Variants in KALRN observed in about 807,000 individuals in gnomAD.
KALRN encodes the protein kalirin RhoGEF kinase, also known as kalirin.
KALRN carries 70 observed loss-of-function variants against 353.7 expected under a neutral mutation model. The observed-to-expected ratio is 0.20, with a 90% CI of 0.16 to 0.24. The LOEUF (loss-of-function observed/expected upper bound fraction) is 0.24. KALRN is among the 10% of genes least tolerant of loss of function. The pLI, the probability that KALRN is intolerant of heterozygous loss-of-function variation, is 1.00. For missense variants in KALRN, 2,791 were observed against 3,756.7 expected (o/e 0.74, Z 6.72); for synonymous variants, 1,391 against 1,434.8 (o/e 0.97, Z 0.69).
intron 49 of KALRN, chr3:124,675,436 C>T (rs945212166): frequency 6.6e-6 from 1 of 151,460 alleles, no homozygotes; most frequent in Non-Finnish European, 1.5e-5. Context: ...AAGTTAAAGA[C>T]TAGTTGACCC....
chr3:124,041,929 GCTTTGT>G (rs1013672474), intron 1 of KALRN, among the ~76,000 whole-genome samples: 18 of 152,334 alleles, frequency 1.2e-4, no homozygotes, highest in African/African-American at 3.6e-4. Context: ...AGGAGAATTA[GCTTTGT>G]CTCCTCCCCA....
At chr3:124,564,229 A>G (rs1458124907) in intron 34 of KALRN, among the ~76,000 whole-genome samples, 1 of 134,546 alleles carries the variant, frequency 7.4e-6, no homozygotes, top group Admixed American at 7.4e-5. Flanking sequence ...AAAAAAAAAA[A>G]AATTAGCTGG....
chr3:124,571,593 C>T (rs1160570731), intron 34 of KALRN, among the ~76,000 whole-genome samples: 1 of 152,172 alleles, frequency 6.6e-6, no homozygotes, highest in African/African-American at 2.4e-5. Flanking sequence ...GGATCCTTTC[C>T]ACTTCTAAAA....
At chr3:124,393,429 G>C (rs2089753941) in intron 11 of KALRN, among the ~76,000 whole-genome samples, 1 of 152,140 alleles carries the variant, frequency 6.6e-6, no homozygotes, top group Non-Finnish European at 1.5e-5. Context: ...GTACGTCCTG[G>C]TTTTATGCTG....
At chr3:124,406,979 A>G (rs1010012325) in intron 13 of KALRN, among the ~76,000 whole-genome samples, 1 of 151,726 alleles carries the variant, frequency 6.6e-6, no homozygotes, top group African/African-American at 2.4e-5. Flanking sequence ...GATTACAGGT[A>G]TGCGCCACCA....
chr3:124,525,643 A>G (rs1261610349), intron 33 of KALRN, among the ~76,000 whole-genome samples: 1 of 152,238 alleles, frequency 6.6e-6, no homozygotes, highest in Non-Finnish European at 1.5e-5. Context: ...CAAGTGGTTG[A>G]TAAAATTGAT....
At chr3:124,500,584 C>T (rs2064400751) in intron 33 of KALRN, among the ~76,000 whole-genome samples, 1 of 152,228 alleles carries the variant, frequency 6.6e-6, no homozygotes, top group Non-Finnish European at 1.5e-5. Context: ...CTTAATCCTA[C>T]ATTAAACACT....
intron 51 of KALRN, among the ~76,000 whole-genome samples, chr3:124,691,035 G>A (rs2061785511): frequency 6.6e-6 from 1 of 152,224 alleles, no homozygotes; most frequent in South Asian, 2.1e-4. Flanking sequence ...TTGGGCTAGG[G>A]CCCTGAGGTA....
At chr3:124,687,996 T>C (rs758599127) in intron 51 of KALRN, among the ~76,000 whole-genome samples, 11 of 152,122 alleles carry the variant, frequency 7.2e-5, no homozygotes, top group Admixed American at 1.3e-4. Flanking sequence ...AAATTACAGC[T>C]TGTCTTATGC....
At chr3:124,110,703 A>G (rs2062878784) in intron 1 of KALRN, among the ~76,000 whole-genome samples, 1 of 152,290 alleles carries the variant, frequency 6.6e-6, no homozygotes, top group Non-Finnish European at 1.5e-5. Flanking sequence ...TTCTACCTTA[A>G]CAAAATGCTT....
intron 49 of KALRN, chr3:124,675,518 CTTTTTTTTTT>C: frequency 8.7e-6 from 1 of 114,604 alleles, no homozygotes; most frequent in Non-Finnish European, 2.0e-5. Context: ...TCCTCTTCTT[CTTTTTTTTTT>C]TTTTTTTTTC....
rs1189928196 is a variant in KALRN at position 124,347,273 on chromosome 3, G to GGT, written c.1770+8_1770+9insGT. 1.6e-6 allele frequency: 2 copies of GGT among 1,255,032 alleles called. No individual in the cohort carries two copies. Among genetic ancestry groups the GGT allele is most frequent in the Non-Finnish European group, 2.1e-6 (2 of 950,018 alleles). 77.7% of individuals were successfully genotyped at this position (1,255,032 alleles called of 1,614,324 possible). On this transcript the variant is annotated intron_variant, in intron 10 of 59. Coordinates refer to ENST00000682506, the MANE Select transcript of KALRN (RefSeq NM_001388419.1). Reference sequence around the variant, plus strand: ...TTTGAAGAGGTGGCTCAGGTGAGAAGCTGTGTGTGTGTGTGTGTGTGTGTG... The same window carrying GGT: ...TTTGAAGAGGTGGCTCAGGTGAGAAGGTCTGTGTGTGTGTGTGTGTGTGTGTG...
intron 3 of KALRN, among the ~76,000 whole-genome samples, chr3:124,238,358 ACATGGAAGCTGTCTAG>A (rs1370472257): frequency 6.6e-6 from 1 of 152,172 alleles, no homozygotes; most frequent in Non-Finnish European, 1.5e-5. Flanking sequence ...GAACCTGCCC[ACATGGAAGCTGTCTAG>A]CAACACTGCT....
chr3:124,510,157 A>G (rs2065733840), intron 33 of KALRN, among the ~76,000 whole-genome samples: 1 of 152,210 alleles, frequency 6.6e-6, no homozygotes, highest in African/African-American at 2.4e-5. Flanking sequence ...CAAGAGAGAG[A>G]TCTAGAAACT....
chr3:124,673,504 G>A (rs1019785288), intron 48 of KALRN, among the ~76,000 whole-genome samples: 13 of 150,202 alleles, frequency 8.7e-5, no homozygotes, highest in African/African-American at 2.9e-4. Context: ...TGTATATCCT[G>A]TATGTATATA....
At chr3:124,411,978 C>T (rs1490335348) in intron 13 of KALRN, among the ~76,000 whole-genome samples, 1 of 152,022 alleles carries the variant, frequency 6.6e-6, no homozygotes, top group Non-Finnish European at 1.5e-5. Context: ...GAAGTGAGAA[C>T]CTAGGGCAGT....
intron 1 of KALRN, among the ~76,000 whole-genome samples, chr3:124,206,732 T>C (rs1465676998): frequency 1.3e-5 from 2 of 152,258 alleles, no homozygotes; most frequent in Non-Finnish European, 2.9e-5. Context: ...TTGCTGAGTG[T>C]ACCAGCTGGT....
intron 2 of KALRN, among the ~76,000 whole-genome samples, chr3:124,231,375 C>T (rs551326937): frequency 6.6e-6 from 1 of 152,342 alleles, no homozygotes; most frequent in East Asian, 1.9e-4. Flanking sequence ...ATCCTATTGT[C>T]TTTATGTGCA....
chr3:124,466,066 G>GTT (rs1274480230), intron 25 of KALRN, among the ~76,000 whole-genome samples: 1 of 150,858 alleles, frequency 6.6e-6, no homozygotes, highest in East Asian at 1.9e-4. Context: ...GTGTGTGTGT[G>GTT]TGTGTGTGTG....
Sources: allele counts gnomAD v4.1 joint callset (sites outside exome capture counted in the v4.1 genomes callset), GRCh38; gene constraint gnomAD v4.1.1; transcripts MANE v1.5; gene names NCBI Gene and HGNC (gene_info 2026-07-23, HGNC 2026-07-21).